The following TUT7 variants were observed in gnomAD, a reference collection of about 807,000 sequenced individuals.
TUT7 encodes terminal uridylyl transferase 7, also known as terminal uridylyltransferase 7.
A neutral mutation model predicts 165.9 loss-of-function variants in TUT7; 33 were observed. The ratio of observed to expected loss-of-function variants is 0.20; its 90% CI spans 0.15 to 0.27. The LOEUF is 0.27. TUT7 is among the 10% of genes least tolerant of loss of function. TUT7 has a pLI of 1.00. For synonymous variants in TUT7, 552 were observed against 608.1 expected, an observed-to-expected ratio of 0.91 and a Z score of 1.36; for missense variants, 1,338 against 1,762.3, an observed-to-expected ratio of 0.76 and a Z score of 4.31.
At chr9:86,327,960 G>A (rs1829949056) in intron 11 of TUT7, among the ~76,000 whole-genome samples, 1 of 152,148 alleles carries the variant, frequency 6.6e-6, no homozygotes, top group South Asian at 2.1e-4. Flanking sequence ...ACCCCCAACA[G>A]TATGGGACCG....
rs1001366036 is a variant in TUT7, at chr9:86,288,610, T to C, written c.*67A>G. 3.5e-5 allele frequency: 44 copies of C among 1,251,310 alleles called. No individual in the cohort carries two copies. The highest frequency in any genetic ancestry group is 4.9e-5 in the Non-Finnish European group (42 of 853,814). The allele number at this position is 1,251,310 out of a possible 1,614,324, so 77.5% of individuals were successfully genotyped here. ...ATCTACACTGCTGTGTCCTGTGAAA[T>C]GAACCTAATTTTCCGAGTGAATAGG... On this transcript the variant is annotated 3_prime_UTR_variant, in exon 27 of 27. Transcript: ENST00000375963.
intron 5 of TUT7, among the ~76,000 whole-genome samples, chr9:86,344,383 A>T (rs898496222): frequency 2.6e-5 from 4 of 152,026 alleles, no homozygotes; most frequent in Non-Finnish European, 4.4e-5. Context: ...AACATACCTG[A>T]CCTTAAATTT....
rs1319346002 is a variant in TUT7, at chr9:86,354,406, T to A, written c.-167A>T. The A allele has an allele frequency of 6.5e-6, 1 of 153,054 alleles. No homozygotes were observed. Among genetic ancestry groups the A allele is most frequent in the Non-Finnish European group, 1.5e-5 (1 of 68,388 alleles). The allele number at this position is 153,054 out of a possible 1,614,324, so 9.5% of individuals were successfully genotyped here. ...CACCTTCGCCGCGGTCCCCAGCCTC[T>A]TCCTGTCCCGGCCGGGCTCCCTCTC... is the stretch of plus-strand genomic sequence containing the variant. On this transcript the variant is annotated 5_prime_UTR_variant, in exon 1 of 27. The change creates a new upstream start codon in the 5' untranslated region. Transcript: ENST00000375963.
chr9:86,328,756 C>T (rs1830034065), intron 10 of TUT7, among the ~76,000 whole-genome samples: 1 of 152,154 alleles, frequency 6.6e-6, no homozygotes, highest in African/African-American at 2.4e-5. Flanking sequence ...TAGTGGCTGA[C>T]GTCATGGGTT....
At position 86,287,861 on chromosome 9, in the gene TUT7, A is replaced by G. The variant is rs1434354647; in HGVS notation, c.*816T>C. The G allele has an allele frequency of 6.6e-6, 1 of 152,198 alleles. No homozygotes were observed. The highest frequency in any genetic ancestry group is 2.4e-5 in the African/African-American group (1 of 41,458). The allele number at this position is 152,198 out of a possible 1,614,324, so 9.4% of individuals were successfully genotyped here. On this transcript the variant is annotated 3_prime_UTR_variant, in exon 27 of 27. Coordinates refer to ENST00000375963, the MANE Select transcript of TUT7 (RefSeq NM_024617.4). ...CCAGGAGGGCTCCAGTCAGACCCAGAATGACACCAGCCACACTTGTGACTG... is the reference window on the plus strand; with the variant it reads ...CCAGGAGGGCTCCAGTCAGACCCAGGATGACACCAGCCACACTTGTGACTG...
Position 86,346,007 on chromosome 9 carries a change from C to T in TUT7, c.703-222G>A, listed in dbSNP as rs552505152. ...GTTCAAGCAATCCTCCTGCCTCAACCTCACAAGTAACTGGGGCTACAGGCA... is the reference window on the plus strand; with the variant it reads ...GTTCAAGCAATCCTCCTGCCTCAACTTCACAAGTAACTGGGGCTACAGGCA... On this transcript the variant is annotated intron_variant, in intron 3 of 26. Transcript: ENST00000375963. 3.3e-5 allele frequency among the ~76,000 whole-genome samples: 5 copies of T among 152,302 alleles called. No homozygotes were observed. In the South Asian group the frequency reaches 1.0e-3, roughly 32 times the overall value.
Position 86,346,424 on chromosome 9 carries a change from T to C in TUT7, c.577A>G (p.Asn193Asp). ...RKPRKTRNEE[N>D]EQDGDLEGPV... is the part of the protein sequence containing the mutation. ...CCTTCCAAGTCTCCATCCTGCTCAT[T>C]TTCCTCATTTCTAGTCTTCCGTGGC... The change falls in exon 3 of 27, where the codon AAT (asparagine) becomes GAT (aspartate). Residue 193 changes from asparagine (N) to aspartate (D), a missense_variant. Around this residue, in one of 7 missense-constraint regions of TUT7, gnomAD observed 434 missense variants for 480.8 expected, o/e 0.90. Transcript: ENST00000375963. 5 of 1,614,112 alleles carry C rather than the reference T, an allele frequency of 3.1e-6. No homozygotes were observed. Among genetic ancestry groups the C allele is most frequent in the Admixed American group, 1.7e-5 (1 of 60,014 alleles).
chr9:86,344,166 C>T (rs189345484), intron 5 of TUT7, among the ~76,000 whole-genome samples: 20 of 152,292 alleles, frequency 1.3e-4, no homozygotes, highest in Admixed American at 5.2e-4. Context: ...ATGATTCCAA[C>T]CCTAGCTGTG....
chr9:86,309,700 G>A, intron 19 of TUT7, 124 bp from the exon 20 acceptor site: 4 of 961,754 alleles, frequency 4.2e-6, no homozygotes, highest in Non-Finnish European at 6.3e-6. Context: ...CATTGTCAAA[G>A]GCAAAACCAA....
chr9:86,322,919 G>T lies in TUT7; in HGVS notation c.2831C>A (p.Ser944Tyr). The T allele has an allele frequency of 1.3e-6, 2 of 1,597,888 alleles. No homozygotes were observed. Among genetic ancestry groups the T allele is most frequent in the South Asian group, 2.2e-5 (2 of 89,824 alleles). The change falls in exon 13 of 27, where the codon TCT becomes TAT. Residue 944 changes from serine to tyrosine, a missense_variant. Around this residue, in one of 7 missense-constraint regions of TUT7, gnomAD observed 425 missense variants for 474.9 expected, o/e 0.89. Transcript: ENST00000375963. ...TTTACTGAATTCATAAAAAAAATCA[G>T]ACTGATCCACAGGTGAATTTTTTTC... is the stretch of plus-strand genomic sequence containing the variant. ...CEEKNSPVDQ[S>Y]DFFYEFSKLI...
chr9:86,342,112 C>T (rs1218333258), intron 6 of TUT7, among the ~76,000 whole-genome samples: 2 of 152,080 alleles, frequency 1.3e-5, no homozygotes, highest in East Asian at 3.9e-4. Context: ...AGCTACAGCA[C>T]TCAGGTTTAG....
chr9:86,316,733 G>T (rs1828757838), intron 17 of TUT7, among the ~76,000 whole-genome samples: 1 of 151,850 alleles, frequency 6.6e-6, no homozygotes, highest in East Asian at 1.9e-4. Context: ...ATTTTAAAAA[G>T]ACATTAATAT....
At chr9:86,345,200 T>A in intron 4 of TUT7, 46 bp from the exon 5 acceptor site, 1 of 1,560,876 alleles carries the variant, frequency 6.4e-7, no homozygotes, top group Non-Finnish European at 8.7e-7. Flanking sequence ...ACACATAGTT[T>A]TGACCTTCTA....
In TUT7 at chr9:86,301,555, G is replaced by C. The variant is rs775536141; in HGVS notation, c.4141C>G (p.Pro1381Ala). Reference protein sequence around the residue: ...DQEDALNQRYPENKEKRSKED... With the variant: ...DQEDALNQRYAENKEKRSKED... The stretch of plus-strand genomic sequence containing the variant: ...TTGCTTCTTTTTTCCTTGTTCTCAG[G>C]GTATCTTTGGTTCAGGGCATCTTCC... The change falls in exon 26 of 27, where the codon CCT becomes GCT. Residue 1381 changes from proline to alanine, a missense_variant. Transcript: ENST00000375963. 1.7e-5 allele frequency: 27 copies of C among 1,612,522 alleles called. No homozygotes were observed. The Admixed American group carries it at 3.7e-4, about 22-fold the overall frequency.
intron 2 of TUT7, among the ~76,000 whole-genome samples, chr9:86,348,337 C>T (rs1339386229): frequency 1.3e-5 from 2 of 152,146 alleles, no homozygotes; most frequent in Non-Finnish European, 2.9e-5. Flanking sequence ...TTATTTAATC[C>T]CTACAGCAAT....
chr9:86,340,137 G>A (rs1288858909), intron 7 of TUT7, 32 bp from the exon 8 acceptor site: 3 of 1,565,482 alleles, frequency 1.9e-6, no homozygotes. Flanking sequence ...TATTAAGTTG[G>A]TTAATTAAAG....
chr9:86,345,598 G>A, intron 4 of TUT7, 71 bp downstream of exon 4: 2 of 1,144,152 alleles, frequency 1.7e-6, no homozygotes, highest in Non-Finnish European at 1.3e-6. Flanking sequence ...TTAAGGAGAA[G>A]AAAGCCACAA....
intron 2 of TUT7, among the ~76,000 whole-genome samples, chr9:86,347,578 G>C (rs142526583): frequency 2.6e-3 from 391 of 152,170 alleles, no homozygotes; most frequent in African/African-American, 9.0e-3. Flanking sequence ...AGCTTGCTGA[G>C]AGCGCTAAAG....
chr9:86,305,374 G>A, intron 22 of TUT7, 135 bp from the exon 23 acceptor site: 1 of 619,248 alleles, frequency 1.6e-6, no homozygotes, highest in Non-Finnish European at 2.7e-6. Context: ...AAATTCACAT[G>A]ATAGAAAAGA....
Sources: gnomAD v4.1 joint callset for allele counts (sites outside exome capture counted in the v4.1 genomes callset) on GRCh38, gnomAD v4.1.1 for gene constraint, gnomAD v4.1.1 regional missense constraint, MANE v1.5 for transcripts, NCBI Gene and HGNC (gene_info 2026-07-23, HGNC 2026-07-21) for gene names.